SPINT1: variants seen among roughly 807,000 people sequenced by gnomAD.
SPINT1 encodes serine peptidase inhibitor, Kunitz type 1.
Under a neutral mutation model 53.7 loss-of-function variants are expected in SPINT1, and 38 were observed. The ratio of observed to expected loss-of-function variants is 0.71; its 90% confidence interval spans 0.55 to 0.93. SPINT1 has a LOEUF of 0.93. SPINT1 is among the 40% of genes least tolerant of loss of function. SPINT1 has a pLI of 0.00. For missense variants in SPINT1, 645 were observed against 692.9 expected (o/e 0.93, Z 0.78); for synonymous variants, 283 against 280.6 (o/e 1.01, Z -0.08).
chr15:40,844,222 G>T lies in SPINT1; in HGVS notation c.-66+36G>T. ...CCCCCGCGCGCAAGGCCGAGGCGCA[G>T]GCGGAGCGGGCTGGAGCATGTCCGG... On this transcript the variant is annotated intron_variant, in intron 1 of 10. Transcript: ENST00000562057. This position sits in a 1 kb window ranked among gnomAD's most constrained non-coding sequence, Gnocchi z 5.8. 1 of 427,716 alleles carries T rather than the reference G, an allele frequency of 2.3e-6. No individual in the cohort carries two copies. The highest frequency in any genetic ancestry group is 3.7e-5 in the Admixed American group (1 of 27,084). 26.5% of individuals were successfully genotyped at this position (427,716 alleles called of 1,614,324 possible).
At chr15:40,856,171 G>T in intron 9 of SPINT1, 105 bp from the exon 10 acceptor site, 1 of 1,594,426 alleles carries the variant, frequency 6.3e-7, no homozygotes. Context: ...AGAGCGCCTG[G>T]AGTAGGAGTG....
intron 2 of SPINT1, among the ~76,000 whole-genome samples, chr15:40,849,034 C>T (rs577079725): frequency 1.3e-5 from 2 of 151,250 alleles, no homozygotes; most frequent in African/African-American, 4.9e-5. Flanking sequence ...ATCACGAGGT[C>T]GGGAGATTGA....
chr15:40,847,847 C>G (rs574788382), intron 2 of SPINT1, among the ~76,000 whole-genome samples: 1 of 152,080 alleles, frequency 6.6e-6, no homozygotes, highest in Non-Finnish European at 1.5e-5. Context: ...GTGGGGCTAG[C>G]CTGTCTGTCT....
Position 40,853,252 on chromosome 15 carries a change from G to A in SPINT1, c.603+1G>A. On this transcript the variant is annotated splice_donor_variant, in intron 3 of 10. Transcript: ENST00000562057. LOFTEE classifies it high-confidence loss of function. Reference sequence around the variant, plus strand: ...GGGTGACACGGATGTCAGGGTAGAGGTGAGACACTGGGCTGACTCTGACCC... The same window carrying A: ...GGGTGACACGGATGTCAGGGTAGAGATGAGACACTGGGCTGACTCTGACCC... The A allele has an allele frequency of 6.2e-7, 1 of 1,614,160 alleles. No homozygotes were observed. Among genetic ancestry groups the A allele is most frequent in the Non-Finnish European group, 8.5e-7 (1 of 1,179,988 alleles).
intron 2 of SPINT1, among the ~76,000 whole-genome samples, chr15:40,849,768 G>T (rs1311832971): frequency 6.6e-6 from 1 of 152,162 alleles, no homozygotes; most frequent in African/African-American, 2.4e-5. Flanking sequence ...AATCTTTCTG[G>T]TGTCAACTTT....
At chr15:40,850,589 A>G (rs749221786) in intron 2 of SPINT1, among the ~76,000 whole-genome samples, 1 of 152,060 alleles carries the variant, frequency 6.6e-6, no homozygotes, top group Non-Finnish European at 1.5e-5. Context: ...TTATGACTTA[A>G]CCTATATGTT....
chr15:40,852,361 A>G (rs1303546192), intron 2 of SPINT1, among the ~76,000 whole-genome samples: 1 of 152,172 alleles, frequency 6.6e-6, no homozygotes, highest in Non-Finnish European at 1.5e-5. Flanking sequence ...CCCTTTTCCC[A>G]AATCAGGTCA....
Position 40,844,722 on chromosome 15 carries a change from C to T in SPINT1, c.168C>T (p.Ala56=), listed in dbSNP as rs765098289. The change falls in exon 2 of 11, where the codon GCC becomes GCT. Residue 56 remains alanine, a synonymous_variant. Coordinates refer to ENST00000562057, the MANE Select transcript of SPINT1 (RefSeq NM_003710.4). The surrounding 1 kb of genome is among the most constrained non-coding windows in gnomAD (Gnocchi z 5.8). The stretch of plus-strand genomic sequence containing the variant: ...CCGACTGCCTGAACAGCTTTACCGC[C>T]GGGGTGCCTGGCTTCGTGCTGGACA... The part of the protein sequence containing the change: ...AGADCLNSFT[A]GVPGFVLDTN... 2 of 1,609,196 alleles carry T rather than the reference C, an allele frequency of 1.2e-6. No homozygotes were observed. Among genetic ancestry groups the T allele is most frequent in the Non-Finnish European group, 1.7e-6 (2 of 1,177,256 alleles).
At chr15:40,853,975 G>T in intron 5 of SPINT1, 85 bp from the exon 6 acceptor site, 2 of 1,606,666 alleles carry the variant, frequency 1.2e-6, no homozygotes, top group Non-Finnish European at 1.7e-6. Flanking sequence ...GGTGGTGGGA[G>T]CTCTCCCTTG....
Position 40,854,040 on chromosome 15 carries a change from T to C in SPINT1, c.914-20T>C, listed in dbSNP as rs767088838. On this transcript the variant is annotated intron_variant, in intron 5 of 10. Transcript: ENST00000562057. ...TGGAGCCTGGTCATGCCTCCTCTCA[T>C]TCTCTGTTCTCTCTCCCAGGCCCCT... The C allele has an allele frequency of 6.8e-6, 10 of 1,478,916 alleles. No homozygotes were observed. The highest frequency in any genetic ancestry group is 9.1e-6 in the Non-Finnish European group (10 of 1,101,470). The allele number at this position is 1,478,916 out of a possible 1,614,324, so 91.6% of individuals were successfully genotyped here. A position where few individuals can be genotyped will look rare whatever the true frequency, so the allele number is the denominator to read the frequency against.
In SPINT1 at chr15:40,844,675, C is replaced by A. The variant is rs770138846; in HGVS notation, c.121C>A (p.Pro41Thr). 4.4e-6 allele frequency: 7 copies of A among 1,605,714 alleles called. No individual in the cohort carries two copies. The Middle Eastern group carries it at 6.6e-4, about 152-fold the overall frequency. Residue 41 changes from proline (P) to threonine (T), a missense_variant, in exon 2 of 11, where the codon CCC becomes ACC. Physicochemically the swap from Pro to Thr is conservative, Grantham distance 38. Transcript: ENST00000562057. The surrounding 1 kb of genome is among the most constrained non-coding windows in gnomAD (Gnocchi z 5.8). ...QGTQAGPPPA[P>T]PGLPAGADCL... The stretch of plus-strand genomic sequence containing the variant: ...CACCCAGGCCGGGCCACCGCCCGCG[C>A]CCCCTGGGCTGCCCGCGGGAGCCGA...
At chr15:40,856,356 G>T in intron 10 of SPINT1, 33 bp downstream of exon 10, 1 of 1,613,792 alleles carries the variant, frequency 6.2e-7, no homozygotes, top group Non-Finnish European at 8.5e-7. Flanking sequence ...ACTGAGGTTA[G>T]CATGTAGGTA....
rs1488163715 is a variant in SPINT1 at position 40,844,885 on chromosome 15, G to A, written c.331G>A (p.Asp111Asn). The A allele has an allele frequency of 6.2e-7, 1 of 1,613,946 alleles. No individual in the cohort carries two copies. Among genetic ancestry groups the A allele is most frequent in the Non-Finnish European group, 8.5e-7 (1 of 1,180,034 alleles). ...GGAGCTGCAGCCCGACCGCGGGGAG[G>A]ACGCCATCGCCGCCTGCTTCCTCAT... ...LVELQPDRGE[D>N]AIAACFLINC... Residue 111 changes from aspartate (D) to asparagine (N), a missense_variant, in exon 2 of 11, where the codon GAC (aspartate) becomes AAC (asparagine). Asp to Asn is a conservative substitution (Grantham distance 23). Coordinates refer to ENST00000562057, the MANE Select transcript of SPINT1 (RefSeq NM_003710.4). The surrounding 1 kb of genome is among the most constrained non-coding windows in gnomAD (Gnocchi z 5.8).
intron 2 of SPINT1, among the ~76,000 whole-genome samples, chr15:40,850,923 G>A (rs1045437583): frequency 2.0e-5 from 3 of 152,182 alleles, no homozygotes; most frequent in Admixed American, 1.3e-4. Flanking sequence ...ATGTATCTAG[G>A]AGGTCAATGT....
chr15:40,844,566 G>C lies in SPINT1; in HGVS notation c.12G>C (p.Ala4=), dbSNP rs142099552. 113 of 1,610,344 alleles carry C rather than the reference G, an allele frequency of 7.0e-5. 2 individuals are homozygous for C. The African/African-American group carries it at 1.2e-3, about 17-fold the overall frequency. Residue 4 remains alanine, a synonymous_variant, in exon 2 of 11, where the codon GCG becomes GCC. Coordinates refer to ENST00000562057, the MANE Select transcript of SPINT1 (RefSeq NM_003710.4). This position sits in a 1 kb window ranked among gnomAD's most constrained non-coding sequence, Gnocchi z 5.8. Reference sequence around the variant, plus strand: ...TGGGGAGGAAGGCGATGGCCCCTGCGAGGACGATGGCCCGCGCCCGCCTCG... The same window carrying C: ...TGGGGAGGAAGGCGATGGCCCCTGCCAGGACGATGGCCCGCGCCCGCCTCG... The part of the protein sequence containing the change: MAP[A]RTMARARLAP...
chr15:40,856,007 C>T lies in SPINT1; in HGVS notation c.1233C>T (p.Asn411=). 6.2e-7 allele frequency: 1 copy of T among 1,614,182 alleles called. No individual in the cohort carries two copies. The highest frequency in any genetic ancestry group is 8.5e-7 in the Non-Finnish European group (1 of 1,180,024). ...TTACCTATGGTGGTTGTTACGGCAA[C>T]AAGAACAACTTTGAGGAAGAGCAGC... ...ARFTYGGCYG[N]KNNFEEEQQC... The change falls in exon 9 of 11, where the codon AAC becomes AAT. Residue 411 remains asparagine (N), a synonymous_variant. Transcript: ENST00000562057.
rs996622206 is a variant in SPINT1 at position 40,849,668 on chromosome 15, T to C, written c.476-3456T>C. Among the ~76,000 whole-genome samples the C allele has an allele frequency of 5.9e-5, 9 of 152,234 alleles. 1 individual carries two copies. Among genetic ancestry groups the C allele is most frequent in the Admixed American group, 3.3e-4 (5 of 15,282 alleles). ...GTGGATAACCTATAGAATTACGTTT[T>C]GGAGAGAGCATTTGCTGTGGAGTCT... On this transcript the variant is annotated intron_variant, in intron 2 of 10. Coordinates refer to ENST00000562057, the MANE Select transcript of SPINT1 (RefSeq NM_003710.4).
At position 40,856,261 on chromosome 15, in the gene SPINT1, CTCA is replaced by C; in HGVS notation, c.1289-10_1289-8del. 1.9e-6 allele frequency: 3 copies of C among 1,614,112 alleles called. No homozygotes were observed. Among genetic ancestry groups the C allele is most frequent in the Non-Finnish European group, 2.5e-6 (3 of 1,180,024 alleles). The stretch of plus-strand genomic sequence containing the variant: ...CCCTCAGTACTGACTGGTCTTTCCC[CTCA>C]TCATTCTGCAGAGAAGGATGTGTTT... On this transcript the variant is annotated splice_polypyrimidine_tract_variant and intron_variant, in intron 9 of 10. Transcript: ENST00000562057.
chr15:40,856,385 C>T (rs1327736579), intron 10 of SPINT1, 62 bp downstream of exon 10: 25 of 1,596,830 alleles, frequency 1.6e-5, no homozygotes, highest in Non-Finnish European at 1.8e-5. Context: ...CGGATCAACT[C>T]CACCTGTTGT....
Sources: gnomAD v4.1 joint callset for allele counts (sites outside exome capture counted in the v4.1 genomes callset) on GRCh38, gnomAD v4.1.1 for gene constraint, Gnocchi (gnomAD v3.1) non-coding constraint, MANE v1.5 for transcripts, NCBI Gene and HGNC (gene_info 2026-07-23, HGNC 2026-07-21) for gene names.